Variants in FEZ2 observed in about 807,000 individuals in gnomAD.
FEZ2 encodes fasciculation and elongation protein zeta 2, also known as fasciculation and elongation protein zeta-2.
In FEZ2, 51 loss-of-function variants were observed where a neutral mutation model predicts 40.4. That is an observed-to-expected ratio of 1.26 (90% CI 1.01 to 1.59). The LOEUF (loss-of-function observed/expected upper bound fraction) is 1.59. FEZ2 is among the 40% of genes most tolerant of loss of function. The probability of loss-of-function intolerance (pLI) is 0.00; values close to 1 mark genes in which losing one functional copy is unlikely to be tolerated. For synonymous variants in FEZ2, 242 were observed against 172.0 expected (o/e 1.41, Z -3.18); for missense variants, 640 against 438.3 (o/e 1.46, Z -4.11).
At chr2:36,566,945 G>GAC (rs35402959) in intron 5 of FEZ2, among the ~76,000 whole-genome samples, 47,465 of 150,714 alleles carry the variant, frequency 0.31, 7,839 homozygotes, top group Middle Eastern at 0.49. Flanking sequence ...CATACGCATA[G>GAC]ACACACACAC....
chr2:36,553,215 TATTTTGTATACATTTAC>T, intron 7 of FEZ2, 36 bp from the exon 8 acceptor site: 2 of 1,427,268 alleles, frequency 1.4e-6, no homozygotes, highest in Non-Finnish European at 1.9e-6. Context: ...TACAAATGTA[TATTTTGTATACATTTAC>T]ACAAAACATA....
At chr2:36,556,650 A>C (rs1667968896) in intron 6 of FEZ2, 2 of 152,254 alleles carry the variant, frequency 1.3e-5, no homozygotes, top group Non-Finnish European at 2.9e-5. Context: ...CAAGCTCTTC[A>C]TCTGTGAAAT....
intron 1 of FEZ2, among the ~76,000 whole-genome samples, 185 bp downstream of exon 1, chr2:36,597,692 G>C (rs542347898): frequency 1.2e-4 from 19 of 152,334 alleles, no homozygotes; most frequent in Admixed American, 8.5e-4. Context: ...CGTGGCGGCG[G>C]GGGGCAGGGG....
intron 5 of FEZ2, among the ~76,000 whole-genome samples, chr2:36,568,397 T>C (rs1356312478): frequency 4.6e-5 from 7 of 152,210 alleles, no homozygotes; most frequent in Admixed American, 1.3e-4. Context: ...TTGTTACAGT[T>C]TAATTTAAAT....
chr2:36,581,630 T>C, intron 3 of FEZ2, 199 bp from the exon 4 acceptor site: 1 of 555,744 alleles, frequency 1.8e-6, no homozygotes, highest in South Asian at 2.4e-5. Flanking sequence ...AAAATTACAA[T>C]ATACTAAACA....
chr2:36,558,414 T>C lies in FEZ2; in HGVS notation c.979+24A>G, dbSNP rs188279916. On this transcript the variant is annotated intron_variant, in intron 6 of 7. Coordinates refer to ENST00000405912, the MANE Select transcript of FEZ2 (RefSeq NM_005102.3). ...CAATCAGCAAAAGGAAATCAGGTAATAGTTTCATTTTGTCTTTGCTCACTT... is the reference window on the plus strand; with the variant it reads ...CAATCAGCAAAAGGAAATCAGGTAACAGTTTCATTTTGTCTTTGCTCACTT... 76 of 1,415,210 alleles carry C rather than the reference T, an allele frequency of 5.4e-5. No homozygotes were observed. In the African/African-American group the frequency reaches 8.7e-4, roughly 16 times the overall value. 87.7% of individuals were successfully genotyped at this position (1,415,210 alleles called of 1,614,324 possible). A position where few individuals can be genotyped will look rare whatever the true frequency, so the allele number is the denominator to read the frequency against.
At chr2:36,553,287 A>C in intron 7 of FEZ2, 108 bp from the exon 8 acceptor site, 1 of 838,420 alleles carries the variant, frequency 1.2e-6, no homozygotes, top group Non-Finnish European at 1.9e-6. Flanking sequence ...TGAGAACTAA[A>C]TGTTAATGCA....
chr2:36,561,744 G>C (rs1475427789), intron 5 of FEZ2, among the ~76,000 whole-genome samples: 1 of 152,164 alleles, frequency 6.6e-6, no homozygotes, highest in Non-Finnish European at 1.5e-5. Context: ...GGAAGTGAAG[G>C]CCTGACTCAC....
At chr2:36,581,828 C>T (rs1400520388) in intron 3 of FEZ2, among the ~76,000 whole-genome samples, 2 of 151,806 alleles carry the variant, frequency 1.3e-5, no homozygotes, top group African/African-American at 4.8e-5. Context: ...TACAAGTGCT[C>T]AATTTAAAGG....
chr2:36,568,627 T>C (rs1328651148), intron 5 of FEZ2, among the ~76,000 whole-genome samples: 1 of 152,238 alleles, frequency 6.6e-6, no homozygotes, highest in Non-Finnish European at 1.5e-5. Flanking sequence ...GATGGAATTT[T>C]TGATAGGAGC....
intron 1 of FEZ2, among the ~76,000 whole-genome samples, chr2:36,592,941 C>A (rs1351556992): frequency 6.6e-6 from 1 of 152,244 alleles, no homozygotes; most frequent in Non-Finnish European, 1.5e-5. Flanking sequence ...CTATTCTCCT[C>A]TCTGTTGGAA....
At chr2:36,589,830 T>C (rs1669013719) in intron 2 of FEZ2, 1 of 152,202 alleles carries the variant, frequency 6.6e-6, no homozygotes, top group Non-Finnish European at 1.5e-5. Context: ...TTAACAATAC[T>C]ATGTAAAATA....
At chr2:36,557,652 C>A (rs1389653111) in intron 6 of FEZ2, 1 of 152,110 alleles carries the variant, frequency 6.6e-6, no homozygotes, top group African/African-American at 2.4e-5. Context: ...TAGCCAAAAT[C>A]ATACATATAT....
Position 36,583,465 on chromosome 2 carries a change from C to G in FEZ2, c.380G>C (p.Ser127Thr). The G allele has an allele frequency of 6.5e-7, 1 of 1,546,928 alleles. No individual in the cohort carries two copies. Among genetic ancestry groups the G allele is most frequent in the Non-Finnish European group, 8.9e-7 (1 of 1,119,052 alleles). The change falls in exon 3 of 8, where the codon AGT becomes ACT. Residue 127 changes from serine (S) to threonine (T), a missense_variant. By Grantham distance (58) the Ser-to-Thr change is moderately conservative (BLOSUM62 1). Coordinates refer to ENST00000405912, the MANE Select transcript of FEZ2 (RefSeq NM_005102.3). Reference sequence around the variant, plus strand: ...TGATGTATCAAAGAGCAAACTGTCACTTACCTAAAAACAAAAATACCCATC... The same window carrying G: ...TGATGTATCAAAGAGCAAACTGTCAGTTACCTAAAAACAAAAATACCCATC... ...LTLNLSEKGV[S>T]DSLLFDTSDD...
chr2:36,569,362 A>C (rs939724434), intron 5 of FEZ2, among the ~76,000 whole-genome samples: 6 of 152,378 alleles, frequency 3.9e-5, no homozygotes, highest in African/African-American at 1.4e-4. Context: ...TCTAATATAA[A>C]TAAAATTGCA....
At chr2:36,553,872 G>A (rs1263714444) in intron 7 of FEZ2, among the ~76,000 whole-genome samples, 2 of 152,180 alleles carry the variant, frequency 1.3e-5, no homozygotes, top group African/African-American at 4.8e-5. Context: ...CCCGGGCAAA[G>A]TGTCGTATTA....
chr2:36,582,018 A>C (rs1305794410), intron 3 of FEZ2, among the ~76,000 whole-genome samples: 1 of 152,190 alleles, frequency 6.6e-6, no homozygotes, highest in Non-Finnish European at 1.5e-5. Context: ...TAGAAGTCCA[A>C]AGAGAAAAAT....
chr2:36,580,928 C>T (rs929423840), intron 4 of FEZ2, among the ~76,000 whole-genome samples: 2 of 152,032 alleles, frequency 1.3e-5, no homozygotes, highest in African/African-American at 4.8e-5. Context: ...CTAAGGCGGG[C>T]GGATCATGAG....
chr2:36,553,507 G>C (rs943273501), intron 7 of FEZ2, among the ~76,000 whole-genome samples: 2 of 152,116 alleles, frequency 1.3e-5, no homozygotes, highest in East Asian at 3.9e-4. Flanking sequence ...TCAAAGAAGG[G>C]TGCAAGTTTC....
Sources: gnomAD v4.1 joint callset for allele counts (sites outside exome capture counted in the v4.1 genomes callset) on GRCh38, gnomAD v4.1.1 for gene constraint, MANE v1.5 for transcripts, NCBI Gene and HGNC (gene_info 2026-07-23, HGNC 2026-07-21) for gene names.